The following SH2D4A variants were observed in gnomAD, a reference collection of about 807,000 sequenced individuals.
The protein encoded by SH2D4A is SH2 domain-containing protein 4A.
Under a neutral mutation model 64.7 loss-of-function variants are expected in SH2D4A, and 70 were observed. That is an observed-to-expected ratio of 1.08 (90% CI 0.89 to 1.32). The LOEUF (loss-of-function observed/expected upper bound fraction) is 1.32. Among genes scored for constraint, SH2D4A ranks in the 40% most tolerant of loss-of-function variants. SH2D4A has a pLI of 0.00. For synonymous variants in SH2D4A, 268 were observed against 200.7 expected (o/e 1.34, Z -2.83); for missense variants, 706 against 540.1 (o/e 1.31, Z -3.04).
At chr8:19,325,002 G>C (rs2052255271) in intron 2 of SH2D4A, among the ~76,000 whole-genome samples, 1 of 152,084 alleles carries the variant, frequency 6.6e-6, no homozygotes, top group Non-Finnish European at 1.5e-5. Context: ...TTGGTTGCCT[G>C]GTGAGCACCT....
intron 8 of SH2D4A, among the ~76,000 whole-genome samples, chr8:19,382,887 G>T (rs2053321648): frequency 7.7e-6 from 1 of 129,912 alleles, no homozygotes; most frequent in Admixed American, 9.5e-5. Flanking sequence ...CTGGAGTACA[G>T]TGGAGTGATC....
chr8:19,318,703 T>C (rs2052131972), intron 1 of SH2D4A, among the ~76,000 whole-genome samples: 1 of 152,244 alleles, frequency 6.6e-6, no homozygotes, highest in South Asian at 2.1e-4. Context: ...GGATGTTCTC[T>C]CTTGCACCTG....
In SH2D4A at chr8:19,394,052, A is replaced by G. The variant is rs536419965; in HGVS notation, c.1273-498A>G. 5.3e-5 allele frequency among the ~76,000 whole-genome samples: 8 copies of G among 152,240 alleles called. No individual in the cohort carries two copies. In the South Asian group the frequency reaches 1.7e-3, roughly 32 times the overall value. ...AACTAGACAGTCCCATCTGGAGGTGATGGGGGACTGTGACAGATCATCAGG... is the reference window on the plus strand; with the variant it reads ...AACTAGACAGTCCCATCTGGAGGTGGTGGGGGACTGTGACAGATCATCAGG... On this transcript the variant is annotated intron_variant, in intron 9 of 9. Transcript: ENST00000265807.
Position 19,369,906 on chromosome 8 carries a change from A to T in SH2D4A, c.918-3624A>T, listed in dbSNP as rs118034313. Among the ~76,000 whole-genome samples the T allele has an allele frequency of 2.1e-3, 320 of 152,112 alleles. 4 individuals carry two copies. In the South Asian group the frequency reaches 0.029, roughly 14 times the overall value. Reference sequence around the variant, plus strand: ...GTTCTTGTGGTACAACAATAAAATTACTTATTTGATATCTTTCTACTTTTT... The same window carrying T: ...GTTCTTGTGGTACAACAATAAAATTTCTTATTTGATATCTTTCTACTTTTT... On this transcript the variant is annotated intron_variant, in intron 7 of 9. Coordinates refer to ENST00000265807, the MANE Select transcript of SH2D4A (RefSeq NM_022071.4).
chr8:19,343,748 A>G (rs2052566389), intron 4 of SH2D4A, among the ~76,000 whole-genome samples: 1 of 152,182 alleles, frequency 6.6e-6, no homozygotes, highest in African/African-American at 2.4e-5. Flanking sequence ...GATAGGCATT[A>G]CAGCGCCACG....
intron 7 of SH2D4A, among the ~76,000 whole-genome samples, chr8:19,365,748 G>A (rs773326808): frequency 6.6e-5 from 10 of 152,094 alleles, no homozygotes; most frequent in Non-Finnish European, 1.5e-4. Flanking sequence ...TGGTTTTAGG[G>A]CTGGGACTTG....
chr8:19,373,701 C>T (rs202221035), intron 8 of SH2D4A, 41 bp downstream of exon 8: 72 of 1,590,454 alleles, frequency 4.5e-5, no homozygotes, highest in East Asian at 2.0e-4. Context: ...CGTCTTAGGG[C>T]GGATGAAGCT....
At chr8:19,364,917 CT>C (rs1443933618) in intron 7 of SH2D4A, among the ~76,000 whole-genome samples, 3 of 152,134 alleles carry the variant, frequency 2.0e-5, no homozygotes, top group African/African-American at 7.2e-5. Context: ...TCTGGAAAAA[CT>C]GTAGAAAAGT....
intron 4 of SH2D4A, among the ~76,000 whole-genome samples, chr8:19,349,839 G>T (rs1289125758): frequency 2.0e-5 from 3 of 152,162 alleles, no homozygotes; most frequent in Non-Finnish European, 4.4e-5. Context: ...GAGTAGCTGG[G>T]ATTACAGGTG....
chr8:19,390,240 G>A (rs1183562174), intron 8 of SH2D4A, among the ~76,000 whole-genome samples: 1 of 152,126 alleles, frequency 6.6e-6, no homozygotes, highest in Non-Finnish European at 1.5e-5. Flanking sequence ...AATTAGCTGG[G>A]CATGGTAGTG....
chr8:19,357,193 T>C lies in SH2D4A; in HGVS notation c.514-10T>C, dbSNP rs2052805915. On this transcript the variant is annotated splice_polypyrimidine_tract_variant and intron_variant, in intron 4 of 9. Coordinates refer to ENST00000265807, the MANE Select transcript of SH2D4A (RefSeq NM_022071.4). ...CCAAATGCCATAAATGTGTTTCGTT[T>C]AATTTTTAGTCACTCTCCAGTTCTT... is the stretch of plus-strand genomic sequence containing the variant. The C allele has an allele frequency of 6.2e-7, 1 of 1,607,642 alleles. No individual in the cohort carries two copies. Among genetic ancestry groups the C allele is most frequent in the Admixed American group, 1.7e-5 (1 of 59,944 alleles).
rs536411329 is a variant in SH2D4A at position 19,324,833 on chromosome 8, A to C, written c.181+5105A>C. 4.6e-5 allele frequency among the ~76,000 whole-genome samples: 7 copies of C among 152,232 alleles called. No homozygotes were observed. The East Asian group carries it at 7.7e-4, about 17-fold the overall frequency. ...TCTCACAATGTTCATAGACTCCCTG[A>C]AGCTCATTCATAGACTCTCAGGGGT... On this transcript the variant is annotated intron_variant, in intron 2 of 9. Coordinates refer to ENST00000265807, the MANE Select transcript of SH2D4A (RefSeq NM_022071.4).
At chr8:19,349,656 T>C (rs755905609) in intron 4 of SH2D4A, among the ~76,000 whole-genome samples, 2 of 152,248 alleles carry the variant, frequency 1.3e-5, no homozygotes, top group African/African-American at 2.4e-5. Flanking sequence ...TTAAAGTAGC[T>C]ACATGCCATT....
intron 7 of SH2D4A, among the ~76,000 whole-genome samples, chr8:19,364,865 A>G (rs1028244468): frequency 3.9e-5 from 6 of 152,292 alleles, no homozygotes; most frequent in Admixed American, 6.5e-5. Flanking sequence ...TGGAGATACC[A>G]TTGTCTGCTA....
chr8:19,380,857 G>C (rs1369656343), intron 8 of SH2D4A, among the ~76,000 whole-genome samples: 1 of 152,010 alleles, frequency 6.6e-6, no homozygotes, highest in East Asian at 1.9e-4. Context: ...ATTATTTGGG[G>C]TCTCAAGATT....
At chr8:19,337,724 G>A (rs139429473) in intron 4 of SH2D4A, among the ~76,000 whole-genome samples, 5,501 of 152,180 alleles carry the variant, frequency 0.036, 159 homozygotes, top group South Asian at 0.096. Flanking sequence ...GCTTGCGCAG[G>A]GAAATTCCCA....
At position 19,313,716 on chromosome 8, in the gene SH2D4A, C is replaced by T; in HGVS notation, c.-312C>T. ...GAGTATTTGCTCAGCCCGCCTGCGCCGCTTGGGACGCCTCTGCCTTTCCCT... is the reference window on the plus strand; with the variant it reads ...GAGTATTTGCTCAGCCCGCCTGCGCTGCTTGGGACGCCTCTGCCTTTCCCT... On this transcript the variant is annotated 5_prime_UTR_variant, in exon 1 of 10. Coordinates refer to ENST00000265807, the MANE Select transcript of SH2D4A (RefSeq NM_022071.4). 1 of 1,492,030 alleles carries T rather than the reference C, an allele frequency of 6.7e-7. No homozygotes were observed. Among genetic ancestry groups the T allele is most frequent in the Non-Finnish European group, 8.9e-7 (1 of 1,120,744 alleles). 92.4% of individuals were successfully genotyped at this position (1,492,030 alleles called of 1,614,324 possible). A position where few individuals can be genotyped will look rare whatever the true frequency, so the allele number is the denominator to read the frequency against.
chr8:19,316,028 T>C (rs1450810723), intron 1 of SH2D4A, among the ~76,000 whole-genome samples: 2 of 152,088 alleles, frequency 1.3e-5, no homozygotes, highest in Admixed American at 1.3e-4. Flanking sequence ...CTGGAGTGCC[T>C]CTGGGTGTCT....
At position 19,378,964 on chromosome 8, in the gene SH2D4A, C is replaced by T. The variant is rs571997293; in HGVS notation, c.1048+5304C>T. The stretch of plus-strand genomic sequence containing the variant: ...AGGCATGGCGGTGCATGCCTGTAGT[C>T]CCAGCTGCCTGGGAGGCTAAGGCAG... On this transcript the variant is annotated intron_variant, in intron 8 of 9. Transcript: ENST00000265807. Among the ~76,000 whole-genome samples the T allele has an allele frequency of 4.6e-5, 7 of 150,630 alleles. No homozygotes were observed. The South Asian group carries it at 1.5e-3, about 32-fold the overall frequency.
Sources: gnomAD v4.1 joint callset for allele counts (sites outside exome capture counted in the v4.1 genomes callset) on GRCh38, gnomAD v4.1.1 for gene constraint, MANE v1.5 for transcripts, NCBI Gene and HGNC (gene_info 2026-07-23, HGNC 2026-07-21) for gene names.